Variants in JHY observed in about 807,000 individuals in gnomAD.
JHY encodes jhy protein homolog.
A neutral mutation model predicts 78.0 loss-of-function variants in JHY; 69 were observed. That is an observed-to-expected ratio of 0.88 (90% CI 0.73 to 1.08). The LOEUF (loss-of-function observed/expected upper bound fraction) is 1.08. Among genes scored for constraint, JHY ranks in the 50% least tolerant of loss-of-function variants. The pLI is 0.00. For synonymous variants in JHY, 368 were observed against 342.6 expected, an observed-to-expected ratio of 1.07 and a Z score of -0.82; for missense variants, 944 against 927.8, an observed-to-expected ratio of 1.02 and a Z score of -0.23.
chr11:122,900,511 C>CTTTTTTTTTTTT (rs374998954), intron 2 of JHY, among the ~76,000 whole-genome samples: 10 of 65,086 alleles, frequency 1.5e-4, no homozygotes, highest in Non-Finnish European at 2.2e-4. Flanking sequence ...ATACTACCAG[C>CTTTTTTTTTTTT]TTTTTTTTTT....
chr11:122,933,424 C>T (rs1565327791), intron 4 of JHY, among the ~76,000 whole-genome samples: 1 of 152,156 alleles, frequency 6.6e-6, no homozygotes, highest in African/African-American at 2.4e-5. Context: ...TAGTTTTCCA[C>T]GAAGTAATGA....
intron 2 of JHY, among the ~76,000 whole-genome samples, chr11:122,896,827 A>G (rs1862749235): frequency 6.6e-6 from 1 of 152,124 alleles, no homozygotes; most frequent in Admixed American, 6.5e-5. Flanking sequence ...TGCCAGGGAC[A>G]CAGTTCTATG....
chr11:122,940,851 A>ATCTC (rs148417854), intron 5 of JHY, among the ~76,000 whole-genome samples: 18 of 139,146 alleles, frequency 1.3e-4, no homozygotes, highest in African/African-American at 4.8e-4. Context: ...TTCCTTCTTT[A>ATCTC]TCTCTCTCTC....
intron 3 of JHY, among the ~76,000 whole-genome samples, chr11:122,910,979 G>T (rs146112544): frequency 4.5e-4 from 69 of 152,226 alleles, no homozygotes; most frequent in African/African-American, 1.6e-3. Context: ...ACACTAGAGG[G>T]CACCTAAGTA....
chr11:122,957,290 G>C, intron 7 of JHY, 73 bp from the exon 8 acceptor site: 1 of 1,448,382 alleles, frequency 6.9e-7, no homozygotes, highest in Non-Finnish European at 9.1e-7. Flanking sequence ...CTGAAACCAG[G>C]GCATCGCTTT....
intron 4 of JHY, among the ~76,000 whole-genome samples, chr11:122,928,299 C>A (rs1222938667): frequency 6.6e-6 from 1 of 152,022 alleles, no homozygotes; most frequent in Non-Finnish European, 1.5e-5. Context: ...TAGAGCAAGA[C>A]CCTGTCTCTA....
At position 122,929,629 on chromosome 11, in the gene JHY, C is replaced by T. The variant is rs61910322; in HGVS notation, c.978+4619C>T. ...AAGCAGGTACCCAGCAGTGAGGTGC[C>T]GTGCAAGGGACATTACACATGCAAC... On this transcript the variant is annotated intron_variant, in intron 4 of 8. Transcript: ENST00000227349. 3.8e-3 allele frequency among the ~76,000 whole-genome samples: 579 copies of T among 152,166 alleles called. 4 individuals carry two copies. Among genetic ancestry groups the T allele is most frequent in the Non-Finnish European group, 6.6e-3 (451 of 68,012 alleles).
chr11:122,940,078 C>T (rs938491831), intron 5 of JHY, among the ~76,000 whole-genome samples: 1 of 151,742 alleles, frequency 6.6e-6, no homozygotes, highest in Admixed American at 6.6e-5. Context: ...GTGGCTCACA[C>T]CTGTAATCCC....
chr11:122,932,838 G>A (rs1166317685), intron 4 of JHY, among the ~76,000 whole-genome samples: 1 of 152,116 alleles, frequency 6.6e-6, no homozygotes, highest in African/African-American at 2.4e-5. Flanking sequence ...CTGCATGGAA[G>A]GAATACCTAG....
chr11:122,907,762 C>T (rs559873967), intron 3 of JHY, among the ~76,000 whole-genome samples: 144 of 149,020 alleles, frequency 9.7e-4, no homozygotes, highest in African/African-American at 3.4e-3. Context: ...GAGAATCGCT[C>T]GAACCCAGGG....
rs1359936394 is a variant in JHY at position 122,917,661 on chromosome 11, T to C, written c.865-7236T>C. Reference sequence around the variant, plus strand: ...CTTTCCTCTAAGTCATCTGAATTCATTGAAGAATTTTAGTAGTGGAGCAAT... The same window carrying C: ...CTTTCCTCTAAGTCATCTGAATTCACTGAAGAATTTTAGTAGTGGAGCAAT... On this transcript the variant is annotated intron_variant, in intron 3 of 8. Transcript: ENST00000227349. The surrounding 1 kb of genome is among the most constrained non-coding windows in gnomAD (Gnocchi z 4.1). Among the ~76,000 whole-genome samples the C allele has an allele frequency of 2.6e-5, 4 of 152,228 alleles. No homozygotes were observed. Among genetic ancestry groups the C allele is most frequent in the African/African-American group, 9.6e-5 (4 of 41,470 alleles).
chr11:122,945,183 C>T (rs1376782312), intron 5 of JHY, among the ~76,000 whole-genome samples: 1 of 152,122 alleles, frequency 6.6e-6, no homozygotes, highest in Non-Finnish European at 1.5e-5. Context: ...CCTTTTATTT[C>T]TCAGTGCTTC....
intron 3 of JHY, among the ~76,000 whole-genome samples, chr11:122,924,380 G>A (rs1037535820): frequency 7.2e-5 from 11 of 152,076 alleles, no homozygotes; most frequent in Non-Finnish European, 1.5e-4. Flanking sequence ...CTGTACCTTT[G>A]TTTTCTCATT....
At chr11:122,921,006 G>A (rs1331830523) in intron 3 of JHY, among the ~76,000 whole-genome samples, 2 of 150,894 alleles carry the variant, frequency 1.3e-5, no homozygotes, top group African/African-American at 4.9e-5. Flanking sequence ...TCATTTTCTC[G>A]ATTTGATTGG....
At chr11:122,944,520 T>C (rs947283652) in intron 5 of JHY, among the ~76,000 whole-genome samples, 1 of 152,212 alleles carries the variant, frequency 6.6e-6, no homozygotes, top group Non-Finnish European at 1.5e-5. Flanking sequence ...TCATACATAT[T>C]ACTTTGTTCA....
At chr11:122,928,484 C>T (rs1352177881) in intron 4 of JHY, among the ~76,000 whole-genome samples, 1 of 150,276 alleles carries the variant, frequency 6.7e-6, no homozygotes, top group African/African-American at 2.4e-5. Context: ...TTTCACACAA[C>T]AAATATTTAT....
Position 122,959,330 on chromosome 11 carries a change from C to T in JHY, c.2222C>T (p.Thr741Ile), listed in dbSNP as rs145723059. Residue 741 changes from threonine to isoleucine, a missense_variant, in exon 9 of 9, where the codon ACC becomes ATC. Transcript: ENST00000227349. ...GCATCAAAGGAACAAAAAAATCCAA[C>T]CTATGCTGGGAAAGAAGAAAGTTTA... is the stretch of plus-strand genomic sequence containing the variant. ...HQASKEQKNPTYAGKEESLPE... is the reference protein window; with the variant it reads ...HQASKEQKNPIYAGKEESLPE... 1 of 1,613,956 alleles carries T rather than the reference C, an allele frequency of 6.2e-7. No individual in the cohort carries two copies. Among genetic ancestry groups the T allele is most frequent in the Admixed American group, 1.7e-5 (1 of 60,002 alleles).
rs889777734 is a variant in JHY, at chr11:122,917,388, T to C, written c.865-7509T>C. Among the ~76,000 whole-genome samples, 3 of 152,184 alleles carry C rather than the reference T, an allele frequency of 2.0e-5. No homozygotes were observed. Among genetic ancestry groups the C allele is most frequent in the Non-Finnish European group, 4.4e-5 (3 of 68,040 alleles). The stretch of plus-strand genomic sequence containing the variant: ...AATATGGATATTTAGGTTAGAGAAA[T>C]TGGCAGACGTCTTTCATGCAGTCCC... On this transcript the variant is annotated intron_variant, in intron 3 of 8. Coordinates refer to ENST00000227349, the MANE Select transcript of JHY (RefSeq NM_024806.4). This position sits in a 1 kb window ranked among gnomAD's most constrained non-coding sequence, Gnocchi z 4.1.
intron 2 of JHY, among the ~76,000 whole-genome samples, chr11:122,901,841 C>T (rs1862866058): frequency 6.6e-6 from 1 of 151,594 alleles, no homozygotes; most frequent in South Asian, 2.1e-4. Context: ...CCACTGCACT[C>T]CAGCCTGGGC....
Sources: gnomAD v4.1 joint callset for allele counts (sites outside exome capture counted in the v4.1 genomes callset) on GRCh38, gnomAD v4.1.1 for gene constraint, Gnocchi (gnomAD v3.1) non-coding constraint, MANE v1.5 for transcripts, NCBI Gene and HGNC (gene_info 2026-07-23, HGNC 2026-07-21) for gene names.